The following GNB1 variants were observed in gnomAD, a reference collection of about 807,000 sequenced individuals.
The protein encoded by GNB1 is G protein subunit beta 1.
A neutral mutation model predicts 42.9 loss-of-function variants in GNB1; 2 were observed. The ratio of observed to expected loss-of-function variants is 0.05; its 90% CI spans 0.02 to 0.15. GNB1 has a LOEUF of 0.15. Ranked by LOEUF, GNB1 falls within the 10% of genes least tolerant of loss-of-function variation. The probability of loss-of-function intolerance (pLI) is 1.00; values close to 1 mark genes in which losing one functional copy is unlikely to be tolerated. For missense variants in GNB1, 193 were observed against 462.2 expected, an observed-to-expected ratio of 0.42 and a Z score of 5.34; for synonymous variants, 183 against 174.7, an observed-to-expected ratio of 1.05 and a Z score of -0.38.
intron 6 of GNB1, 142 bp from the exon 7 acceptor site, chr1:1,804,723 A>AT (rs1646673180): frequency 1.6e-6 from 1 of 624,730 alleles, no homozygotes; most frequent in Admixed American, 3.1e-5. Flanking sequence ...AGCGATTCCC[A>AT]TATGTGGCCA....
chr1:1,857,310 G>T (rs1557932890), intron 1 of GNB1, among the ~76,000 whole-genome samples: 1 of 152,040 alleles, frequency 6.6e-6, no homozygotes, highest in African/African-American at 2.4e-5. Context: ...TCTTGGGGCT[G>T]GCTGGCTCCT....
Position 1,787,489 on chromosome 1 carries a change from A to C in GNB1, c.917-52T>G. On this transcript the variant is annotated intron_variant, in intron 10 of 11. Transcript: ENST00000378609. The surrounding 1 kb of genome is among the most constrained non-coding windows in gnomAD (Gnocchi z 4.4). The stretch of plus-strand genomic sequence containing the variant: ...ACCAAAGCCCAGAGGCATCGATCTC[A>C]CCTGTGTGCCATGTTGTGACGAGGA... 1,331 of 1,042,334 alleles carry C rather than the reference A, an allele frequency of 1.3e-3. No individual in the cohort carries two copies. Among genetic ancestry groups the C allele is most frequent in the Non-Finnish European group, 1.8e-3 (1,219 of 666,712 alleles). The allele number at this position is 1,042,334 out of a possible 1,614,324, so 64.6% of individuals were successfully genotyped here. A position where few individuals can be genotyped will look rare whatever the true frequency, so the allele number is the denominator to read the frequency against.
intron 1 of GNB1, among the ~76,000 whole-genome samples, chr1:1,857,966 C>A (rs562486101): frequency 1.3e-5 from 2 of 152,248 alleles, no homozygotes; most frequent in East Asian, 3.9e-4. Context: ...TGGTGCCATA[C>A]CTCAAAAGAC....
intron 1 of GNB1, among the ~76,000 whole-genome samples, chr1:1,842,983 GGT>G (rs745992067): frequency 6.6e-6 from 1 of 152,174 alleles, no homozygotes; most frequent in Admixed American, 6.5e-5. Context: ...TTTAGGCAGG[GGT>G]GTGTGTGTGT....
At chr1:1,862,323 C>G (rs1648677128) in intron 1 of GNB1, among the ~76,000 whole-genome samples, 1 of 152,190 alleles carries the variant, frequency 6.6e-6, no homozygotes, top group Non-Finnish European at 1.5e-5. Context: ...CTCCTGGGAC[C>G]TCCTCTTCGG....
At chr1:1,798,880 T>C (rs1440307373) in intron 7 of GNB1, among the ~76,000 whole-genome samples, 4 of 152,070 alleles carry the variant, frequency 2.6e-5, no homozygotes, top group African/African-American at 7.2e-5. Flanking sequence ...TTTTGTATTT[T>C]TTGTAGAGGC....
At chr1:1,870,972 T>C (rs1363544927) in intron 1 of GNB1, among the ~76,000 whole-genome samples, 3 of 152,122 alleles carry the variant, frequency 2.0e-5, no homozygotes, top group Admixed American at 2.0e-4. Flanking sequence ...CTCTCCACTG[T>C]TGCCCACATC....
At chr1:1,880,611 T>C (rs1649794516) in intron 1 of GNB1, among the ~76,000 whole-genome samples, 1 of 151,910 alleles carries the variant, frequency 6.6e-6, no homozygotes, top group Admixed American at 6.6e-5. Context: ...ATATATATGA[T>C]GATGAAAACA....
chr1:1,841,621 T>C (rs1647246010), intron 1 of GNB1, among the ~76,000 whole-genome samples: 1 of 152,212 alleles, frequency 6.6e-6, no homozygotes, highest in African/African-American at 2.4e-5. Flanking sequence ...CATGCACACA[T>C]CTAGTCTGGA....
At chr1:1,804,715 C>T (rs1422528416) in intron 6 of GNB1, 134 bp from the exon 7 acceptor site, 15 of 650,200 alleles carry the variant, frequency 2.3e-5, no homozygotes, top group South Asian at 1.4e-4. Flanking sequence ...ATCTAGAGAG[C>T]GATTCCCATA....
chr1:1,810,452 C>T (rs1311054763), intron 5 of GNB1, among the ~76,000 whole-genome samples: 3 of 147,404 alleles, frequency 2.0e-5, no homozygotes, highest in African/African-American at 7.5e-5. Flanking sequence ...AGGAGGATTG[C>T]TTGAGCACAG....
rs1306862146 is a variant in GNB1 at position 1,790,444 on chromosome 1, A to G, written c.650T>C (p.Met217Thr). 1.2e-6 allele frequency: 2 copies of G among 1,613,992 alleles called. No homozygotes were observed. The highest frequency in any genetic ancestry group is 1.1e-5 in the South Asian group (1 of 91,072). Residue 217 changes from methionine to threonine, a missense_variant, in exon 9 of 12, where the codon ATG (methionine) becomes ACG (threonine). This residue lies in a region of GNB1 where 150 missense variants were observed against 410.8 expected (regional missense o/e 0.37). Transcript: ENST00000378609. This position sits in a 1 kb window ranked among gnomAD's most constrained non-coding sequence, Gnocchi z 5.4. ...GTGGCCAGTGAAGGTCTGCCGGCAC[A>G]TGCCTTCTCGCACATCCCAGAGTTT... ...SAKLWDVREGMCRQTFTGHES... is the reference protein window; with the variant it reads ...SAKLWDVREGTCRQTFTGHES...
Position 1,790,941 on chromosome 1 carries a change from G to A in GNB1, c.498-345C>T, listed in dbSNP as rs1191519358. Among the ~76,000 whole-genome samples the A allele has an allele frequency of 6.6e-6, 1 of 152,130 alleles. No homozygotes were observed. The highest frequency in any genetic ancestry group is 1.5e-5 in the Non-Finnish European group (1 of 68,028). On this transcript the variant is annotated intron_variant, in intron 8 of 11. Transcript: ENST00000378609. The surrounding 1 kb of genome is among the most constrained non-coding windows in gnomAD (Gnocchi z 5.4). ...TTTGGTCATGGATGGGCATGGAAGG[G>A]GTGGCAGGAAGCTACGTGGAGGCCC...
chr1:1,831,836 A>G (rs1381498245), intron 2 of GNB1, among the ~76,000 whole-genome samples: 1 of 148,940 alleles, frequency 6.7e-6, no homozygotes, highest in African/African-American at 2.5e-5. Flanking sequence ...AGGCTGGCAG[A>G]TGGCTTGAGC....
At chr1:1,854,884 G>A (rs1318973650) in intron 1 of GNB1, among the ~76,000 whole-genome samples, 13 of 152,020 alleles carry the variant, frequency 8.6e-5, no homozygotes, top group Admixed American at 7.9e-4. Flanking sequence ...AATACATCCG[G>A]GCGTGGTGGC....
At chr1:1,793,220 T>TG in intron 8 of GNB1, 25 bp downstream of exon 8, 1 of 1,555,714 alleles carries the variant, frequency 6.4e-7, no homozygotes, top group Non-Finnish European at 8.9e-7. Context: ...CTCAAGGCAC[T>TG]GCCTGCCCCG....
chr1:1,845,864 C>T (rs1349292553), intron 1 of GNB1, among the ~76,000 whole-genome samples: 1 of 132,160 alleles, frequency 7.6e-6, no homozygotes, highest in African/African-American at 2.9e-5. Flanking sequence ...CACACACACA[C>T]ACACACACGT....
intron 1 of GNB1, chr1:1,839,762 G>A (rs1647199804): frequency 6.6e-6 from 1 of 152,150 alleles, no homozygotes; most frequent in African/African-American, 2.4e-5. Flanking sequence ...GCTTAGACAG[G>A]AGAATCGCTT....
chr1:1,807,051 G>C (rs1381215884), intron 5 of GNB1, among the ~76,000 whole-genome samples: 1 of 152,100 alleles, frequency 6.6e-6, no homozygotes, highest in East Asian at 1.9e-4. Context: ...CACTGTCACA[G>C]ACCACAGTTG....
Sources: allele counts gnomAD v4.1 joint callset (sites outside exome capture counted in the v4.1 genomes callset), GRCh38; gene constraint gnomAD v4.1.1; regional missense constraint gnomAD v4.1.1; non-coding constraint Gnocchi (gnomAD v3.1); transcripts MANE v1.5; gene names NCBI Gene and HGNC (gene_info 2026-07-23, HGNC 2026-07-21).